STXBP5L: variants seen among roughly 807,000 people sequenced by gnomAD.
STXBP5L encodes syntaxin-binding protein 5-like.
Under a neutral mutation model 144.5 loss-of-function variants are expected in STXBP5L, and 65 were observed. That is an observed-to-expected ratio of 0.45 (90% CI 0.37 to 0.55). The LOEUF is 0.55. Among genes scored for constraint, STXBP5L ranks in the 20% least tolerant of loss-of-function variants. STXBP5L has a pLI of 0.00. For synonymous variants in STXBP5L, 505 were observed against 469.6 expected (o/e 1.08, Z -0.97); for missense variants, 1,298 against 1,405.5 (o/e 0.92, Z 1.22).
chr3:121,032,845 A>G (rs1359844529), intron 3 of STXBP5L, among the ~76,000 whole-genome samples: 7 of 61,146 alleles, frequency 1.1e-4, no homozygotes, highest in Non-Finnish European at 6.5e-5. Flanking sequence ...TGGCCATCAG[A>G]GAAATGCAAA....
At position 121,239,821 on chromosome 3, in the gene STXBP5L, C is replaced by T. The variant is rs550087808; in HGVS notation, c.1333-619C>T. ...CATGTATACATATGTAACTAACCTGCGCATTGTGCACATGTACCCTAAAAC... is the reference window on the plus strand; with the variant it reads ...CATGTATACATATGTAACTAACCTGTGCATTGTGCACATGTACCCTAAAAC... On this transcript the variant is annotated intron_variant, in intron 13 of 26. Coordinates refer to ENST00000471454, the MANE Select transcript of STXBP5L (RefSeq NM_001308330.2). Among the ~76,000 whole-genome samples the T allele has an allele frequency of 2.9e-3, 443 of 150,436 alleles. 2 individuals are homozygous for T. The highest frequency in any genetic ancestry group is 4.8e-3 in the Admixed American group (72 of 15,130).
intron 20 of STXBP5L, among the ~76,000 whole-genome samples, chr3:121,353,826 A>G (rs924103728): frequency 1.3e-5 from 2 of 152,310 alleles, no homozygotes; most frequent in African/African-American, 2.4e-5. Flanking sequence ...ATTTAGTGCT[A>G]TACATTTCCC....
chr3:120,990,196 C>T (rs985230315), intron 3 of STXBP5L, among the ~76,000 whole-genome samples: 1 of 152,116 alleles, frequency 6.6e-6, no homozygotes, highest in Non-Finnish European at 1.5e-5. Context: ...CATGAGTGAA[C>T]TCCCATTCAC....
At chr3:120,957,195 TTAC>T (rs1938128461) in intron 3 of STXBP5L, among the ~76,000 whole-genome samples, 1 of 151,994 alleles carries the variant, frequency 6.6e-6, no homozygotes, top group African/African-American at 2.4e-5. Context: ...TGTTTCTATG[TTAC>T]TACTACACTG....
At chr3:121,417,285 T>C (rs1336698695) in intron 25 of STXBP5L, among the ~76,000 whole-genome samples, 1 of 152,136 alleles carries the variant, frequency 6.6e-6, no homozygotes, top group African/African-American at 2.4e-5. Context: ...TAAAAACAAG[T>C]GAATTTTGCA....
At chr3:121,154,324 C>G (rs2046042819) in intron 8 of STXBP5L, among the ~76,000 whole-genome samples, 1 of 151,678 alleles carries the variant, frequency 6.6e-6, no homozygotes, top group Non-Finnish European at 1.5e-5. Flanking sequence ...CTTTACCTCT[C>G]ATATCTAGAA....
intron 20 of STXBP5L, among the ~76,000 whole-genome samples, chr3:121,356,568 G>A (rs980301890): frequency 6.6e-6 from 1 of 152,238 alleles, no homozygotes; most frequent in Non-Finnish European, 1.5e-5. Flanking sequence ...TTGGGTGGGA[G>A]TATCCCATTT....
chr3:120,995,897 C>T (rs180992234), intron 3 of STXBP5L, among the ~76,000 whole-genome samples: 10 of 152,126 alleles, frequency 6.6e-5, no homozygotes. Context: ...TTATCATTTC[C>T]TTTCTGCTGG....
At chr3:121,095,139 T>A (rs1037873331) in intron 5 of STXBP5L, among the ~76,000 whole-genome samples, 3 of 152,168 alleles carry the variant, frequency 2.0e-5, no homozygotes, top group African/African-American at 7.2e-5. Context: ...GCTTGTAGAG[T>A]TTCTGCCGAG....
At chr3:121,005,240 G>A (rs1340577646) in intron 3 of STXBP5L, among the ~76,000 whole-genome samples, 1 of 152,126 alleles carries the variant, frequency 6.6e-6, no homozygotes, top group Non-Finnish European at 1.5e-5. Flanking sequence ...CCTGTTTTTG[G>A]TCTATTCAGA....
intron 20 of STXBP5L, among the ~76,000 whole-genome samples, chr3:121,324,029 AGGTCC>A (rs2044063650): frequency 2.0e-5 from 3 of 152,162 alleles, no homozygotes; most frequent in Non-Finnish European, 4.4e-5. Flanking sequence ...TACTAGCATT[AGGTCC>A]TGACACTGCT....
At chr3:121,292,516 C>T (rs540709513) in intron 19 of STXBP5L, among the ~76,000 whole-genome samples, 2 of 152,088 alleles carry the variant, frequency 1.3e-5, no homozygotes, top group Non-Finnish European at 2.9e-5. Context: ...ATCTACCATT[C>T]GATCCAGCAA....
chr3:120,974,726 G>A (rs1306794063), intron 3 of STXBP5L, among the ~76,000 whole-genome samples: 18 of 152,282 alleles, frequency 1.2e-4, no homozygotes, highest in East Asian at 1.9e-4. Flanking sequence ...TGTATAAGGT[G>A]TAAGGAAGAG....
At chr3:121,128,104 C>T (rs1246362359) in intron 7 of STXBP5L, among the ~76,000 whole-genome samples, 3 of 152,108 alleles carry the variant, frequency 2.0e-5, no homozygotes, top group Non-Finnish European at 4.4e-5. Context: ...ATGACTAATA[C>T]TGCCATTCAC....
chr3:121,184,128 A>C (rs1026747675), intron 9 of STXBP5L, among the ~76,000 whole-genome samples: 1 of 152,144 alleles, frequency 6.6e-6, no homozygotes, highest in African/African-American at 2.4e-5. Context: ...AAAAAGGCTG[A>C]AAATTCAATA....
chr3:121,412,464 GAAC>G (rs2108749753), intron 23 of STXBP5L, among the ~76,000 whole-genome samples: 1 of 152,114 alleles, frequency 6.6e-6, no homozygotes, highest in East Asian at 1.9e-4. Context: ...ACCAAAAAGG[GAAC>G]AAAAGGAAGG....
At chr3:121,032,850 T>G (rs1447152506) in intron 3 of STXBP5L, among the ~76,000 whole-genome samples, 3 of 59,804 alleles carry the variant, frequency 5.0e-5, no homozygotes, top group Non-Finnish European at 1.0e-4. Flanking sequence ...ATCAGAGAAA[T>G]GCAAATCAAA....
Position 120,981,640 on chromosome 3 carries a change from C to T in STXBP5L, c.287+26603C>T, listed in dbSNP as rs1408912565. Among the ~76,000 whole-genome samples the T allele has an allele frequency of 3.3e-5, 5 of 152,232 alleles. No individual in the cohort carries two copies. In the East Asian group the frequency reaches 9.6e-4, roughly 29 times the overall value. On this transcript the variant is annotated intron_variant, in intron 3 of 26. Coordinates refer to ENST00000471454, the MANE Select transcript of STXBP5L (RefSeq NM_001308330.2). ...CAACTGTCTCTTGGATCTTATTGAG[C>T]TTTCATACCATCCATATTTTGAATT...
At chr3:121,096,698 C>T (rs762995876) in intron 5 of STXBP5L, among the ~76,000 whole-genome samples, 4 of 151,938 alleles carry the variant, frequency 2.6e-5, no homozygotes, top group Admixed American at 2.0e-4. Context: ...AAAAAAAAAG[C>T]CTGTTTTTTC....
Sources: gnomAD v4.1 joint callset for allele counts (sites outside exome capture counted in the v4.1 genomes callset) on GRCh38, gnomAD v4.1.1 for gene constraint, MANE v1.5 for transcripts, NCBI Gene and HGNC (gene_info 2026-07-23, HGNC 2026-07-21) for gene names.